The following ANAPC10 variants were observed in gnomAD, a reference collection of about 807,000 sequenced individuals.
ANAPC10 encodes the protein anaphase promoting complex subunit 10, also known as anaphase-promoting complex subunit 10.
A neutral mutation model predicts 22.0 loss-of-function variants in ANAPC10; 12 were observed. The ratio of observed to expected loss-of-function variants is 0.55; its 90% CI spans 0.35 to 0.88. ANAPC10 has a LOEUF of 0.88. Ranked by LOEUF, ANAPC10 falls within the 40% of genes least tolerant of loss-of-function variation. The probability of loss-of-function intolerance (pLI) is 0.01; values close to 1 mark genes in which losing one functional copy is unlikely to be tolerated. For synonymous variants in ANAPC10, 65 were observed against 69.5 expected, an observed-to-expected ratio of 0.94 and a Z score of 0.32; for missense variants, 188 against 220.9, an observed-to-expected ratio of 0.85 and a Z score of 0.94.
intron 3 of ANAPC10, among the ~76,000 whole-genome samples, chr4:145,069,118 C>T (rs1350119719): frequency 6.6e-6 from 1 of 152,182 alleles, no homozygotes; most frequent in Non-Finnish European, 1.5e-5. Flanking sequence ...CATGACTTGC[C>T]TTCCCACTAC....
At position 145,026,341 on chromosome 4, in the gene ANAPC10, T is replaced by C. The variant is rs866204028; in HGVS notation, c.328-30738A>G. 3.9e-5 allele frequency among the ~76,000 whole-genome samples: 6 copies of C among 152,274 alleles called. 1 individual carries two copies. The highest frequency in any genetic ancestry group is 7.2e-5 in the African/African-American group (3 of 41,550). ...CCAAGAACAACAACAAAATCCCTGT[T>C]CTCTTGTAAGTGATGTTCTAGTAAT... is the stretch of plus-strand genomic sequence containing the variant. On this transcript the variant is annotated intron_variant, in intron 4 of 4. Transcript: ENST00000507656.
intron 4 of ANAPC10, among the ~76,000 whole-genome samples, chr4:145,019,568 C>A (rs1049038891): frequency 2.6e-5 from 4 of 151,848 alleles, no homozygotes; most frequent in Admixed American, 6.6e-5. Flanking sequence ...AAACCCAAAC[C>A]CAGCAGAAGA....
At chr4:145,065,569 G>A (rs1466265620) in intron 3 of ANAPC10, among the ~76,000 whole-genome samples, 1 of 151,866 alleles carries the variant, frequency 6.6e-6, no homozygotes, top group East Asian at 1.9e-4. Flanking sequence ...TGGCCTTGGA[G>A]AAAAAAATGG....
At chr4:145,067,952 T>A (rs572118226) in intron 3 of ANAPC10, among the ~76,000 whole-genome samples, 2 of 152,202 alleles carry the variant, frequency 1.3e-5, no homozygotes, top group Non-Finnish European at 2.9e-5. Flanking sequence ...CCTTTTACCT[T>A]TCTCATCTAC....
At chr4:145,013,171 CA>C (rs1194666259) in intron 4 of ANAPC10, among the ~76,000 whole-genome samples, 1 of 152,192 alleles carries the variant, frequency 6.6e-6, no homozygotes, top group East Asian at 1.9e-4. Flanking sequence ...AATTTCTTTA[CA>C]GCAATCTAAG....
At chr4:145,032,079 G>T (rs935261792) in intron 4 of ANAPC10, among the ~76,000 whole-genome samples, 1 of 152,188 alleles carries the variant, frequency 6.6e-6, no homozygotes, top group Non-Finnish European at 1.5e-5. Flanking sequence ...CTCTCCCCCA[G>T]CCTGCACCGA....
intron 4 of ANAPC10, chr4:145,053,738 C>A: frequency 1.6e-6 from 1 of 643,874 alleles, no homozygotes. Context: ...TATCCTGAGA[C>A]TTGAAGATTC....
chr4:145,038,505 T>G (rs1738963611), intron 4 of ANAPC10, among the ~76,000 whole-genome samples: 1 of 151,476 alleles, frequency 6.6e-6, no homozygotes, highest in Non-Finnish European at 1.5e-5. Flanking sequence ...AGAGTGAGAC[T>G]CCGTCTCAAA....
chr4:145,095,400 G>C (rs553800688), intron 2 of ANAPC10, among the ~76,000 whole-genome samples: 133 of 152,216 alleles, frequency 8.7e-4, no homozygotes, highest in African/African-American at 2.9e-3. Context: ...ACTTTGTCCA[G>C]CACATCCACC....
chr4:145,024,124 T>G (rs1736329936), intron 4 of ANAPC10, among the ~76,000 whole-genome samples: 1 of 152,222 alleles, frequency 6.6e-6, no homozygotes, highest in African/African-American at 2.4e-5. Flanking sequence ...GTTTTATCCA[T>G]GAGACTGCAG....
intron 2 of ANAPC10, among the ~76,000 whole-genome samples, chr4:145,088,421 T>C (rs760874292): frequency 2.2e-4 from 34 of 152,278 alleles, no homozygotes; most frequent in Non-Finnish European, 4.4e-4. Context: ...AAAATTAACA[T>C]ATATAAATTA....
chr4:145,036,744 A>G (rs1738600962), intron 4 of ANAPC10, among the ~76,000 whole-genome samples: 1 of 152,194 alleles, frequency 6.6e-6, no homozygotes, highest in East Asian at 1.9e-4. Context: ...ATAAAAAACT[A>G]TGACTTAGTA....
At chr4:145,080,536 G>A (rs1226468451) in intron 3 of ANAPC10, among the ~76,000 whole-genome samples, 1 of 152,136 alleles carries the variant, frequency 6.6e-6, no homozygotes, top group African/African-American at 2.4e-5. Flanking sequence ...TCACTATCTG[G>A]CTTGTTGGAA....
At chr4:145,059,137 A>T (rs1047527623) in intron 4 of ANAPC10, among the ~76,000 whole-genome samples, 9 of 152,166 alleles carry the variant, frequency 5.9e-5, no homozygotes, top group Non-Finnish European at 1.3e-4. Context: ...TAGGCCCCTC[A>T]TAAGAAAGCA....
At chr4:145,081,578 A>G (rs1473127758) in intron 3 of ANAPC10, 82 bp downstream of exon 3, 3 of 888,922 alleles carry the variant, frequency 3.4e-6, no homozygotes, top group African/African-American at 1.7e-5. Context: ...TGTAATTTCT[A>G]TCTTTAATTT....
At chr4:145,070,745 A>G (rs954426133) in intron 3 of ANAPC10, among the ~76,000 whole-genome samples, 2 of 152,224 alleles carry the variant, frequency 1.3e-5, no homozygotes, top group African/African-American at 4.8e-5. Context: ...GAAACAACCC[A>G]ATGTCCTCTG....
intron 4 of ANAPC10, among the ~76,000 whole-genome samples, chr4:145,028,087 TG>T (rs1467436634): frequency 6.6e-6 from 1 of 152,100 alleles, no homozygotes; most frequent in Non-Finnish European, 1.5e-5. Flanking sequence ...AGCTGTTAGA[TG>T]GTGTGATGGT....
At chr4:145,093,604 T>C (rs553559139) in intron 2 of ANAPC10, among the ~76,000 whole-genome samples, 5 of 148,302 alleles carry the variant, frequency 3.4e-5, no homozygotes, top group Middle Eastern at 3.6e-3. Context: ...GTAGATGAAA[T>C]GTGTTAACAG....
At chr4:145,019,516 C>G (rs1220697762) in intron 4 of ANAPC10, among the ~76,000 whole-genome samples, 1 of 152,048 alleles carries the variant, frequency 6.6e-6, no homozygotes, top group Non-Finnish European at 1.5e-5. Context: ...AACTGACACT[C>G]AAAGGTCACA....
Sources: gnomAD v4.1 joint callset for allele counts (sites outside exome capture counted in the v4.1 genomes callset) on GRCh38, gnomAD v4.1.1 for gene constraint, MANE v1.5 for transcripts, NCBI Gene and HGNC (gene_info 2026-07-23, HGNC 2026-07-21) for gene names.